The following AKAP6 variants were observed in gnomAD, a reference collection of about 807,000 sequenced individuals.
AKAP6 encodes the protein A-kinase anchoring protein 6.
Under a neutral mutation model 188.5 loss-of-function variants are expected in AKAP6, and 58 were observed. That is an observed-to-expected ratio of 0.31 (90% CI 0.25 to 0.38). AKAP6 has a LOEUF of 0.38. Ranked by LOEUF, AKAP6 falls within the 10% of genes least tolerant of loss-of-function variation. The pLI, the probability that AKAP6 is intolerant of heterozygous loss-of-function variation, is 1.00. For missense variants in AKAP6, 2,710 were observed against 2,740.0 expected (o/e 0.99, Z 0.24); for synonymous variants, 989 against 998.6 (o/e 0.99, Z 0.18).
chr14:32,486,540 T>A (rs560759928), intron 2 of AKAP6, among the ~76,000 whole-genome samples: 1 of 152,346 alleles, frequency 6.6e-6, no homozygotes, highest in South Asian at 2.1e-4. Context: ...ACATCCCTTG[T>A]AAGTTTTATT....
At chr14:32,513,977 A>T (rs1187254284) in intron 2 of AKAP6, among the ~76,000 whole-genome samples, 1 of 152,130 alleles carries the variant, frequency 6.6e-6, no homozygotes, top group Non-Finnish European at 1.5e-5. Context: ...ATCATGTTAA[A>T]CTCATCTCTC....
chr14:32,482,432 C>T (rs972528748), intron 2 of AKAP6, among the ~76,000 whole-genome samples: 1 of 152,220 alleles, frequency 6.6e-6, no homozygotes, highest in Non-Finnish European at 1.5e-5. Context: ...CCTCCTGTCT[C>T]AACCTTCATT....
intron 9 of AKAP6, among the ~76,000 whole-genome samples, chr14:32,706,331 C>A (rs1255834383): frequency 6.6e-6 from 1 of 152,250 alleles, no homozygotes; most frequent in Middle Eastern, 3.4e-3. Context: ...TCAGGCTGTT[C>A]TGTGAAAGCC....
At chr14:32,667,073 A>G (rs1391991990) in intron 7 of AKAP6, among the ~76,000 whole-genome samples, 2 of 152,152 alleles carry the variant, frequency 1.3e-5, no homozygotes, top group East Asian at 3.8e-4. Context: ...ATGGAGAAAT[A>G]TAGCAGCTTC....
chr14:32,735,201 G>T (rs2031357989), intron 10 of AKAP6, among the ~76,000 whole-genome samples: 1 of 152,094 alleles, frequency 6.6e-6, no homozygotes, highest in Non-Finnish European at 1.5e-5. Flanking sequence ...CTCCGTGTTT[G>T]ATCTACTCTT....
At chr14:32,457,212 G>C (rs1318726892) in intron 2 of AKAP6, among the ~76,000 whole-genome samples, 1 of 152,168 alleles carries the variant, frequency 6.6e-6, no homozygotes, top group East Asian at 1.9e-4. Context: ...CTACTACTGA[G>C]TGGTATCTAC....
chr14:32,543,557 T>C (rs1883058659), intron 3 of AKAP6, among the ~76,000 whole-genome samples: 1 of 152,210 alleles, frequency 6.6e-6, no homozygotes, highest in South Asian at 2.1e-4. Context: ...TTTGGATATA[T>C]ACCTATTAGT....
chr14:32,653,569 T>C (rs1029074266), intron 7 of AKAP6, among the ~76,000 whole-genome samples: 1 of 152,144 alleles, frequency 6.6e-6, no homozygotes, highest in East Asian at 1.9e-4. Context: ...AGCACCATGG[T>C]TCCTGTAAAG....
At chr14:32,563,587 G>A (rs1432477794) in intron 4 of AKAP6, among the ~76,000 whole-genome samples, 1 of 152,070 alleles carries the variant, frequency 6.6e-6, no homozygotes, top group East Asian at 1.9e-4. Context: ...TCCACCTTCA[G>A]CCACCTTGGT....
intron 12 of AKAP6, among the ~76,000 whole-genome samples, chr14:32,805,804 A>C (rs2140101745): frequency 6.6e-6 from 1 of 152,336 alleles, no homozygotes; most frequent in East Asian, 1.9e-4. Flanking sequence ...TAAATGGGTA[A>C]GTTTGCAGAA....
At chr14:32,786,456 C>T (rs545897870) in intron 12 of AKAP6, among the ~76,000 whole-genome samples, 3 of 150,006 alleles carry the variant, frequency 2.0e-5, no homozygotes, top group South Asian at 2.1e-4. Flanking sequence ...TACAGGCGCC[C>T]ACCACCACGC....
At chr14:32,465,873 C>T (rs1594643370) in intron 2 of AKAP6, among the ~76,000 whole-genome samples, 1 of 152,164 alleles carries the variant, frequency 6.6e-6, no homozygotes, top group East Asian at 1.9e-4. Context: ...GGAACTTAAA[C>T]AAATTTACAA....
At chr14:32,764,391 A>G (rs1001903208) in intron 11 of AKAP6, among the ~76,000 whole-genome samples, 2 of 152,240 alleles carry the variant, frequency 1.3e-5, no homozygotes, top group African/African-American at 2.4e-5. Context: ...ACCTCTAAAA[A>G]GGTTCAATCT....
chr14:32,378,187 A>G (rs1234954507), intron 1 of AKAP6, among the ~76,000 whole-genome samples: 8 of 27,308 alleles, frequency 2.9e-4, no homozygotes, highest in African/African-American at 5.3e-4. Flanking sequence ...TGGCTGCCAT[A>G]TTATATAGGG....
chr14:32,595,691 G>C (rs890821069), intron 5 of AKAP6, among the ~76,000 whole-genome samples: 1 of 151,834 alleles, frequency 6.6e-6, no homozygotes, highest in African/African-American at 2.4e-5. Flanking sequence ...CCTTGTTTTT[G>C]CTTGGTCAGC....
At chr14:32,381,358 G>A (rs1888354734) in intron 1 of AKAP6, among the ~76,000 whole-genome samples, 1 of 151,940 alleles carries the variant, frequency 6.6e-6, no homozygotes, top group Non-Finnish European at 1.5e-5. Flanking sequence ...AAAAAAATCA[G>A]TAAGGTCTTC....
intron 4 of AKAP6, among the ~76,000 whole-genome samples, chr14:32,559,861 G>A (rs1883875135): frequency 6.8e-6 from 1 of 147,720 alleles, no homozygotes; most frequent in South Asian, 2.1e-4. Context: ...TCTCCTCTAA[G>A]CCTAATCTTA....
chr14:32,595,363 A>G (rs967576798), intron 5 of AKAP6, among the ~76,000 whole-genome samples: 2 of 152,044 alleles, frequency 1.3e-5, no homozygotes, highest in African/African-American at 4.8e-5. Flanking sequence ...GCTTCATGCT[A>G]TAATGTAGGA....
At chr14:32,399,210 T>A (rs150422094) in intron 1 of AKAP6, among the ~76,000 whole-genome samples, 191 of 152,290 alleles carry the variant, frequency 1.3e-3, no homozygotes, top group Middle Eastern at 6.8e-3. Context: ...CACTTCTTAT[T>A]TAGGGAGTCA....
Sources: gnomAD v4.1 joint callset for allele counts (sites outside exome capture counted in the v4.1 genomes callset) on GRCh38, gnomAD v4.1.1 for gene constraint, MANE v1.5 for transcripts, NCBI Gene and HGNC (gene_info 2026-07-23, HGNC 2026-07-21) for gene names.